Variants in POLQ observed in about 807,000 individuals in gnomAD.
POLQ encodes the protein DNA polymerase theta, also known as epididymis secretory sperm binding protein.
POLQ carries 233 observed loss-of-function variants against 259.2 expected under a neutral mutation model. That is an observed-to-expected ratio of 0.90 (90% CI 0.81 to 1.00). The LOEUF (loss-of-function observed/expected upper bound fraction) is 1.00, where lower values mean the gene tolerates loss of function less well. Ranked by LOEUF, POLQ falls within the 50% of genes least tolerant of loss-of-function variation. POLQ has a pLI of 0.00. For missense variants in POLQ, 2,871 were observed against 3,051.6 expected, an observed-to-expected ratio of 0.94 and a Z score of 1.39; for synonymous variants, 1,025 against 1,048.8, an observed-to-expected ratio of 0.98 and a Z score of 0.44.
At chr3:121,497,303 A>C (rs2048132439) in intron 13 of POLQ, among the ~76,000 whole-genome samples, 1 of 152,240 alleles carries the variant, frequency 6.6e-6, no homozygotes, top group Non-Finnish European at 1.5e-5. Context: ...ATATAAATAT[A>C]GCATCCAATT....
chr3:121,440,750 C>T (rs1276621650), intron 26 of POLQ, among the ~76,000 whole-genome samples: 2 of 152,138 alleles, frequency 1.3e-5, no homozygotes, highest in African/African-American at 2.4e-5. Flanking sequence ...TCACTTTTCA[C>T]AAGTGTCTGT....
chr3:121,502,781 G>A (rs1235976154), intron 12 of POLQ, among the ~76,000 whole-genome samples: 2 of 152,016 alleles, frequency 1.3e-5, no homozygotes, highest in Non-Finnish European at 2.9e-5. Flanking sequence ...GTATAACAAC[G>A]TACTGTTAGG....
At chr3:121,472,255 T>G (rs921403128) in intron 21 of POLQ, 91 bp from the exon 22 acceptor site, 3 of 596,444 alleles carry the variant, frequency 5.0e-6, no homozygotes, top group African/African-American at 1.8e-5. Context: ...AGTCTCAAAA[T>G]TAAATTTGAG....
chr3:121,480,181 T>A (rs1442774402), intron 19 of POLQ, among the ~76,000 whole-genome samples: 1 of 151,710 alleles, frequency 6.6e-6, no homozygotes, highest in South Asian at 2.1e-4. Context: ...AAAAAAAATA[T>A]ATATATATAG....
chr3:121,531,966 T>C (rs1224992750), intron 6 of POLQ, among the ~76,000 whole-genome samples: 1 of 152,208 alleles, frequency 6.6e-6, no homozygotes, highest in Non-Finnish European at 1.5e-5. Context: ...GCTGTTTTAG[T>C]ACTCAGAGGC....
rs755368060 is a variant in POLQ, at chr3:121,487,364, C to T, written c.5567G>A (p.Cys1856Tyr). The stretch of plus-strand genomic sequence containing the variant: ...AGATGTCAAACTTCTAATCTTTTCA[C>T]AAGCCAGTGAGATGGAAAATCGCTT... ...CKKRFSISLA[C>Y]EKIRSLTSSK... Residue 1856 changes from cysteine (C) to tyrosine (Y), a missense_variant, in exon 16 of 30, where the codon TGT becomes TAT. By Grantham distance (194) the Cys-to-Tyr change is radical (BLOSUM62 -2). Around this residue, in one of 3 missense-constraint regions of POLQ, gnomAD observed 2,080 missense variants for 2,126.0 expected, o/e 0.98. Transcript: ENST00000264233. 2 of 1,613,624 alleles carry T rather than the reference C, an allele frequency of 1.2e-6. No homozygotes were observed. The highest frequency in any genetic ancestry group is 2.2e-5 in the South Asian group (2 of 90,938).
intron 14 of POLQ, chr3:121,494,148 T>G (rs535852101): frequency 4.0e-4 from 346 of 868,320 alleles, no homozygotes; most frequent in Non-Finnish European, 5.8e-4. Context: ...CGAAGGTGGC[T>G]CCGGCCCCTG....
At chr3:121,520,301 T>C (rs2048328831) in intron 8 of POLQ, among the ~76,000 whole-genome samples, 3 of 152,192 alleles carry the variant, frequency 2.0e-5, no homozygotes, top group South Asian at 4.1e-4. Flanking sequence ...TGTGGGAGGC[T>C]GAGGCAGGTG....
Position 121,510,212 on chromosome 3 carries a change from T to C in POLQ, c.1643A>G (p.Gln548Arg). Reference sequence around the variant, plus strand: ...GCAGGCAGCATAAGTATGCATATCTTGTGATGTACTTGCCACTCCACCAAC... The same window carrying C: ...GCAGGCAGCATAAGTATGCATATCTCGTGATGTACTTGCCACTCCACCAAC... ...IIVGGVASTSQDMHTYAACTF... is the reference protein window; with the variant it reads ...IIVGGVASTSRDMHTYAACTF... The change falls in exon 11 of 30, where the codon CAA (glutamine) becomes CGA (arginine). Residue 548 changes from glutamine to arginine, a missense_variant. By Grantham distance (43) the Gln-to-Arg change is conservative. Around this residue, in one of 3 missense-constraint regions of POLQ, gnomAD observed 783 missense variants for 906.2 expected, o/e 0.86. Transcript: ENST00000264233. 1 of 1,613,182 alleles carries C rather than the reference T, an allele frequency of 6.2e-7. No homozygotes were observed. Among genetic ancestry groups the C allele is most frequent in the Non-Finnish European group, 8.5e-7 (1 of 1,179,092 alleles).
Position 121,434,183 on chromosome 3 carries a change from A to G in POLQ, c.7544-1150T>C, listed in dbSNP as rs575504552. On this transcript the variant is annotated intron_variant, in intron 28 of 29. Transcript: ENST00000264233. ...CTGGCTTCTGACCTAGAATGCCATG[A>G]TGCTCTTGTTCCCCATATGGTCTGC... Among the ~76,000 whole-genome samples, 6 of 152,278 alleles carry G rather than the reference A, an allele frequency of 3.9e-5. No homozygotes were observed. In the South Asian group the frequency reaches 1.2e-3, roughly 32 times the overall value.
rs776938206 is a variant in POLQ, at chr3:121,460,178, A to T, written c.7024T>A (p.Leu2342Ile). Residue 2342 changes from leucine (L) to isoleucine (I), a missense_variant, in exon 25 of 30, where the codon TTA (leucine) becomes ATA (isoleucine). Leu to Ile is a conservative substitution (Grantham distance 5). This residue lies in a region of POLQ where 2,080 missense variants were observed against 2,126.0 expected (regional missense o/e 0.98). Coordinates refer to ENST00000264233, the MANE Select transcript of POLQ (RefSeq NM_199420.4). ...TGAATGAGACGACGATCATGGGATA[A>T]ATGAGCCAAGATCCTCAGTTCAAGC... ...SQLELRILAH[L>I]SHDRRLIQVL... The T allele has an allele frequency of 1.8e-4, 295 of 1,613,384 alleles. No individual in the cohort carries two copies. The highest frequency in any genetic ancestry group is 2.3e-4 in the Non-Finnish European group (276 of 1,179,344).
intron 12 of POLQ, among the ~76,000 whole-genome samples, chr3:121,503,131 T>C (rs1025287614): frequency 9.8e-5 from 15 of 152,380 alleles, no homozygotes; most frequent in African/African-American, 2.9e-4. Context: ...CATGTTGCAT[T>C]ACCTTTTCTA....
At chr3:121,484,631 T>A (rs1254699878) in intron 17 of POLQ, among the ~76,000 whole-genome samples, 1 of 152,234 alleles carries the variant, frequency 6.6e-6, no homozygotes, top group Non-Finnish European at 1.5e-5. Flanking sequence ...CCAGGCACAG[T>A]GGCTCACACC....
chr3:121,505,991 C>T (rs1047679925), intron 12 of POLQ, among the ~76,000 whole-genome samples: 4 of 145,616 alleles, frequency 2.7e-5, no homozygotes, highest in African/African-American at 1.0e-4. Context: ...CATTGCACTC[C>T]AGCCTGGGTG....
At chr3:121,498,706 A>G in intron 12 of POLQ, 36 bp from the exon 13 acceptor site, 1 of 1,423,588 alleles carries the variant, frequency 7.0e-7, no homozygotes, top group Non-Finnish European at 9.7e-7. Flanking sequence ...AACTAAAACT[A>G]TTATATTACA....
At chr3:121,486,412 G>C (rs1391735058) in intron 16 of POLQ, among the ~76,000 whole-genome samples, 4 of 152,052 alleles carry the variant, frequency 2.6e-5, no homozygotes, top group African/African-American at 9.7e-5. Context: ...AAATTAGCCA[G>C]GCATGATGGC....
At chr3:121,448,370 TTTA>T (rs1255500935) in intron 26 of POLQ, among the ~76,000 whole-genome samples, 2 of 151,944 alleles carry the variant, frequency 1.3e-5, no homozygotes, top group Non-Finnish European at 2.9e-5. Flanking sequence ...CATTTTTTAT[TTTA>T]TTTTATTTTT....
chr3:121,437,067 T>C lies in POLQ; in HGVS notation c.7390-792A>G, dbSNP rs146618171. 3.3e-5 allele frequency among the ~76,000 whole-genome samples: 5 copies of C among 152,242 alleles called. No individual in the cohort carries two copies. The East Asian group carries it at 9.7e-4, about 29-fold the overall frequency. On this transcript the variant is annotated intron_variant, in intron 27 of 29. Transcript: ENST00000264233. ...TAACATGAGAGGTATTCTCTAGTCC[T>C]CTGTCATCTGAGCTATACCCAACTT... is the stretch of plus-strand genomic sequence containing the variant.
chr3:121,537,527 T>G (rs1430021001), intron 4 of POLQ, among the ~76,000 whole-genome samples: 1 of 152,204 alleles, frequency 6.6e-6, no homozygotes, highest in Non-Finnish European at 1.5e-5. Flanking sequence ...TAATTCCCAC[T>G]TACGAGTGAG....
Sources: allele counts gnomAD v4.1 joint callset (sites outside exome capture counted in the v4.1 genomes callset), GRCh38; gene constraint gnomAD v4.1.1; regional missense constraint gnomAD v4.1.1; transcripts MANE v1.5; gene names NCBI Gene and HGNC (gene_info 2026-07-23, HGNC 2026-07-21).